FSTL5: variants seen among roughly 807,000 people sequenced by gnomAD.
The protein encoded by FSTL5 is follistatin-related protein 5.
Under a neutral mutation model 89.1 loss-of-function variants are expected in FSTL5, and 62 were observed. The observed-to-expected ratio is 0.70, with a 90% confidence interval of 0.57 to 0.86. FSTL5 has a LOEUF of 0.86. Among genes scored for constraint, FSTL5 ranks in the 40% least tolerant of loss-of-function variants. The pLI is 0.00. For missense variants in FSTL5, 1,057 were observed against 1,001.6 expected, an observed-to-expected ratio of 1.06 and a Z score of -0.75; for synonymous variants, 383 against 346.2, an observed-to-expected ratio of 1.11 and a Z score of -1.18.
intron 2 of FSTL5, among the ~76,000 whole-genome samples, chr4:162,045,048 C>T (rs937550771): frequency 1.3e-5 from 2 of 152,110 alleles, no homozygotes; most frequent in African/African-American, 4.8e-5. Context: ...TAATTTTCTT[C>T]GAGAACGTTT....
rs993391135 is a variant in FSTL5, at chr4:161,527,467, T to A, written c.1312+10699A>T. On this transcript the variant is annotated intron_variant, in intron 10 of 15. Coordinates refer to ENST00000306100, the MANE Select transcript of FSTL5 (RefSeq NM_020116.5). ...TTACAAGAAAAAAACAAACAACCCCTTCAAAAAGTGGGTGAAGGACATGAA... is the reference window on the plus strand; with the variant it reads ...TTACAAGAAAAAAACAAACAACCCCATCAAAAAGTGGGTGAAGGACATGAA... Among the ~76,000 whole-genome samples the A allele has an allele frequency of 7.0e-4, 106 of 151,760 alleles. No homozygotes were observed. The Middle Eastern group carries it at 0.01, about 15-fold the overall frequency.
intron 7 of FSTL5, among the ~76,000 whole-genome samples, chr4:161,643,874 A>T (rs367775079): frequency 6.3e-5 from 9 of 143,204 alleles, no homozygotes; most frequent in African/African-American, 2.2e-4. Context: ...GTCCAGAAAA[A>T]TTGAACAATG....
At chr4:161,462,740 T>C (rs184072068) in intron 13 of FSTL5, among the ~76,000 whole-genome samples, 1 of 152,068 alleles carries the variant, frequency 6.6e-6, no homozygotes, top group African/African-American at 2.4e-5. Context: ...TTAGAAACAG[T>C]AATTGAGCTA....
chr4:161,420,386 G>C (rs750373962), intron 15 of FSTL5, among the ~76,000 whole-genome samples: 1 of 152,136 alleles, frequency 6.6e-6, no homozygotes, highest in Non-Finnish European at 1.5e-5. Context: ...CTGTATGTAA[G>C]GTGTGCATGT....
chr4:161,874,735 T>G (rs1345653519), intron 4 of FSTL5, among the ~76,000 whole-genome samples: 2 of 152,096 alleles, frequency 1.3e-5, no homozygotes, highest in Non-Finnish European at 2.9e-5. Flanking sequence ...TTTCATTAAC[T>G]TTTTTGTAAT....
intron 4 of FSTL5, among the ~76,000 whole-genome samples, chr4:161,824,882 A>C (rs546634531): frequency 6.6e-6 from 1 of 152,092 alleles, no homozygotes; most frequent in African/African-American, 2.4e-5. Context: ...GATGCCCTTT[A>C]TTTCTTTCTC....
At chr4:161,900,638 C>CAAAAAAAAAAAAAAAAAAAAAAA (rs58702301) in intron 4 of FSTL5, among the ~76,000 whole-genome samples, 1 of 65,292 alleles carries the variant, frequency 1.5e-5, no homozygotes, top group Non-Finnish European at 2.8e-5. Context: ...GACTCCATCT[C>CAAAAAAAAAAAAAAAAAAAAAAA]AAAAAAAAAA....
At chr4:161,759,131 A>G (rs1740686758) in intron 6 of FSTL5, among the ~76,000 whole-genome samples, 1 of 152,186 alleles carries the variant, frequency 6.6e-6, no homozygotes, top group Admixed American at 6.5e-5. Flanking sequence ...CTGCTCTAAA[A>G]TAACCTTGAA....
intron 5 of FSTL5, among the ~76,000 whole-genome samples, chr4:161,764,376 A>G (rs1228034865): frequency 6.6e-6 from 1 of 152,054 alleles, no homozygotes; most frequent in African/African-American, 2.4e-5. Flanking sequence ...CTCCTGCCTC[A>G]GCCACCCGAG....
intron 4 of FSTL5, among the ~76,000 whole-genome samples, chr4:161,868,163 G>T (rs560171567): frequency 6.6e-6 from 1 of 152,098 alleles, no homozygotes; most frequent in Non-Finnish European, 1.5e-5. Flanking sequence ...TTAAAATTAG[G>T]GAAATAAATA....
chr4:161,551,015 G>A (rs188375166), intron 8 of FSTL5, among the ~76,000 whole-genome samples: 11,310 of 152,008 alleles, frequency 0.074, 534 homozygotes, highest in Middle Eastern at 0.15. Context: ...CCAAGTCTTT[G>A]TTATTGTGAA....
At chr4:161,819,580 G>T (rs1193463951) in intron 4 of FSTL5, among the ~76,000 whole-genome samples, 1 of 151,898 alleles carries the variant, frequency 6.6e-6, no homozygotes, top group Non-Finnish European at 1.5e-5. Flanking sequence ...TCACAGAAGT[G>T]CATCAATCTG....
intron 1 of FSTL5, among the ~76,000 whole-genome samples, chr4:162,135,604 G>A (rs1481400390): frequency 4.6e-5 from 7 of 151,932 alleles, no homozygotes; most frequent in Non-Finnish European, 8.8e-5. Flanking sequence ...TGCTGTTAAG[G>A]TTAATGAATG....
At chr4:162,051,983 C>T (rs901171479) in intron 2 of FSTL5, among the ~76,000 whole-genome samples, 15 of 151,352 alleles carry the variant, frequency 9.9e-5, no homozygotes, top group Non-Finnish European at 1.2e-4. Context: ...AAAATATAAA[C>T]AAAATTTGAA....
intron 3 of FSTL5, among the ~76,000 whole-genome samples, chr4:161,992,010 G>T (rs1210069312): frequency 6.6e-6 from 1 of 152,234 alleles, no homozygotes; most frequent in East Asian, 1.9e-4. Flanking sequence ...GCCACCTGCG[G>T]TGTTCCTGTT....
At chr4:161,718,302 T>G (rs559418848) in intron 6 of FSTL5, among the ~76,000 whole-genome samples, 9 of 152,306 alleles carry the variant, frequency 5.9e-5, no homozygotes, top group Admixed American at 2.6e-4. Context: ...TTAATGATTT[T>G]TACTAATTTA....
chr4:161,777,018 G>A (rs954120144), intron 4 of FSTL5, among the ~76,000 whole-genome samples: 2 of 149,986 alleles, frequency 1.3e-5, no homozygotes, highest in South Asian at 2.1e-4. Context: ...TTATTCTCCC[G>A]CCATCACCCC....
intron 7 of FSTL5, among the ~76,000 whole-genome samples, chr4:161,656,086 AC>A (rs1250632459): frequency 6.6e-6 from 1 of 152,106 alleles, no homozygotes; most frequent in African/African-American, 2.4e-5. Flanking sequence ...AAGATTTTGA[AC>A]CAATTTATTT....
chr4:161,628,144 G>A (rs1338904932), intron 7 of FSTL5, among the ~76,000 whole-genome samples: 2 of 152,158 alleles, frequency 1.3e-5, no homozygotes, highest in South Asian at 4.1e-4. Flanking sequence ...TACAATATTT[G>A]TATGATAATT....
Sources: allele counts gnomAD v4.1 joint callset (sites outside exome capture counted in the v4.1 genomes callset), GRCh38; gene constraint gnomAD v4.1.1; transcripts MANE v1.5; gene names NCBI Gene and HGNC (gene_info 2026-07-23, HGNC 2026-07-21).